DOCK5: variants seen among roughly 807,000 people sequenced by gnomAD.
The protein encoded by DOCK5 is dedicator of cytokinesis protein 5.
In DOCK5, 142 loss-of-function variants were observed where a neutral mutation model predicts 251.8. The observed-to-expected ratio is 0.56, with a 90% confidence interval of 0.49 to 0.65. The LOEUF is 0.65. Ranked by LOEUF, DOCK5 falls within the 30% of genes least tolerant of loss-of-function variation. The probability of loss-of-function intolerance (pLI) is 0.00; values close to 1 mark genes in which losing one functional copy is unlikely to be tolerated. For synonymous variants in DOCK5, 842 were observed against 835.5 expected (o/e 1.01, Z -0.13); for missense variants, 2,111 against 2,312.3 (o/e 0.91, Z 1.79).
chr8:25,387,454 A>T (rs895220066), intron 40 of DOCK5, among the ~76,000 whole-genome samples: 2 of 152,164 alleles, frequency 1.3e-5, no homozygotes, highest in African/African-American at 4.8e-5. Context: ...TTCTCCCGAC[A>T]CCAAAGAAGC....
At chr8:25,276,647 A>G (rs954799336) in intron 4 of DOCK5, among the ~76,000 whole-genome samples, 1 of 151,872 alleles carries the variant, frequency 6.6e-6, no homozygotes, top group Admixed American at 6.6e-5. Flanking sequence ...CAGCACCATC[A>G]TTTCTTTTCT....
intron 3 of DOCK5, among the ~76,000 whole-genome samples, chr8:25,272,024 T>TATAC (rs1451817818): frequency 1.3e-5 from 2 of 152,130 alleles, no homozygotes; most frequent in Non-Finnish European, 2.9e-5. Flanking sequence ...TACATACATA[T>TATAC]ATACATACAT....
intron 14 of DOCK5, among the ~76,000 whole-genome samples, chr8:25,319,367 T>C (rs1805358599): frequency 6.6e-6 from 1 of 152,166 alleles, no homozygotes; most frequent in Non-Finnish European, 1.5e-5. Context: ...GTTCCTTAGC[T>C]GCTACCAAAT....
chr8:25,340,985 C>G lies in DOCK5; in HGVS notation c.2436C>G (p.Ile812Met), dbSNP rs769282639. The change falls in exon 23 of 52, where the codon ATC becomes ATG. Residue 812 changes from isoleucine (I) to methionine (M), a missense_variant. By Grantham distance (10) the Ile-to-Met change is conservative. Around this residue, in one of 3 missense-constraint regions of DOCK5, gnomAD observed 1,717 missense variants for 1,892.4 expected, o/e 0.91. Transcript: ENST00000276440. The part of the protein sequence containing the change: ...MDRPLEEAVK[I>M]KGAALKYLPS... Reference sequence around the variant, plus strand: ...GGCCTCTGGAGGAAGCCGTCAAGATCAAGGTCAGCCTGGCAGCATCATGGG... The same window carrying G: ...GGCCTCTGGAGGAAGCCGTCAAGATGAAGGTCAGCCTGGCAGCATCATGGG... The G allele has an allele frequency of 1.2e-6, 2 of 1,610,014 alleles. No homozygotes were observed. Among genetic ancestry groups the G allele is most frequent in the Admixed American group, 1.7e-5 (1 of 59,556 alleles).
At chr8:25,239,044 C>A (rs1003372538) in intron 1 of DOCK5, among the ~76,000 whole-genome samples, 1 of 152,178 alleles carries the variant, frequency 6.6e-6, no homozygotes, top group East Asian at 1.9e-4. Flanking sequence ...CGCAGGTAAT[C>A]GGGAGCTAGT....
At chr8:25,269,901 C>A (rs149450716) in intron 3 of DOCK5, among the ~76,000 whole-genome samples, 8 of 152,254 alleles carry the variant, frequency 5.3e-5, no homozygotes, top group Non-Finnish European at 8.8e-5. Flanking sequence ...ATGAGAAAGA[C>A]GTAATCCTGC....
intron 22 of DOCK5, 128 bp from the exon 23 acceptor site, chr8:25,340,749 G>A: frequency 1.3e-6 from 1 of 748,340 alleles, no homozygotes; most frequent in Admixed American, 2.5e-5. Context: ...AGATGACTGG[G>A]GCTTAATTAG....
chr8:25,372,497 G>A, intron 34 of DOCK5, 62 bp from the exon 35 acceptor site: 1 of 1,502,896 alleles, frequency 6.7e-7, no homozygotes, highest in Non-Finnish European at 8.9e-7. Context: ...GTCAGTGCTG[G>A]TCAGTGCTGC....
At chr8:25,333,120 G>A (rs1805719976) in intron 20 of DOCK5, among the ~76,000 whole-genome samples, 1 of 152,176 alleles carries the variant, frequency 6.6e-6, no homozygotes, top group Non-Finnish European at 1.5e-5. Flanking sequence ...AATTGAATTT[G>A]TCGCACAAAG....
chr8:25,292,182 C>T lies in DOCK5; in HGVS notation c.470+10C>T. The stretch of plus-strand genomic sequence containing the variant: ...TTGATCATGGGAACAGGTAGGTAAA[C>T]CAGGGATGGCTTTTCACTGAAAACT... On this transcript the variant is annotated intron_variant, in intron 6 of 51. Coordinates refer to ENST00000276440, the MANE Select transcript of DOCK5 (RefSeq NM_024940.8). 1 of 1,553,848 alleles carries T rather than the reference C, an allele frequency of 6.4e-7. No individual in the cohort carries two copies. Among genetic ancestry groups the T allele is most frequent in the Non-Finnish European group, 8.7e-7 (1 of 1,150,686 alleles).
At chr8:25,387,188 T>TG (rs1225061301) in intron 40 of DOCK5, among the ~76,000 whole-genome samples, 1 of 21,952 alleles carries the variant, frequency 4.6e-5, no homozygotes, top group Non-Finnish European at 1.2e-4. Flanking sequence ...ACCAGTGACT[T>TG]TTTTTTTTTT....
In DOCK5 at chr8:25,184,849, C is replaced by CCGG; in HGVS notation, c.-59_-57dup. On this transcript the variant is annotated 5_prime_UTR_variant, in exon 1 of 52. Transcript: ENST00000276440. ...ACGCAGGAGCGCGGGGCGGCGGCGG[C>CCGG]CGGAGCCCGAGGAGCTGTAGCAGCC... The CCGG allele has an allele frequency of 7.8e-7, 1 of 1,276,232 alleles. No individual in the cohort carries two copies. The highest frequency in any genetic ancestry group is 1.0e-6 in the Non-Finnish European group (1 of 1,003,788). The allele number at this position is 1,276,232 out of a possible 1,614,324, so 79.1% of individuals were successfully genotyped here.
At position 25,411,893 on chromosome 8, in the gene DOCK5, C is replaced by A. The variant is rs1289215799; in HGVS notation, c.*595C>A. 8 of 152,116 alleles carry A rather than the reference C, an allele frequency of 5.3e-5. No individual in the cohort carries two copies. Among genetic ancestry groups the A allele is most frequent in the East Asian group, 3.9e-4 (2 of 5,188 alleles). 9.4% of individuals were successfully genotyped at this position (152,116 alleles called of 1,614,324 possible). On this transcript the variant is annotated 3_prime_UTR_variant, in exon 52 of 52. Transcript: ENST00000276440. ...GCTGCTTTCAGGTATGTGTGTCTAT[C>A]ATTGAAAGAGCATGGACTCAAACAT...
At chr8:25,198,406 G>A (rs1305044352) in intron 1 of DOCK5, among the ~76,000 whole-genome samples, 2 of 151,834 alleles carry the variant, frequency 1.3e-5, no homozygotes, top group Admixed American at 6.6e-5. Context: ...ACCCCATCTC[G>A]ACTAAAAATA....
At chr8:25,267,010 T>C (rs145120694) in intron 2 of DOCK5, among the ~76,000 whole-genome samples, 2 of 152,212 alleles carry the variant, frequency 1.3e-5, no homozygotes, top group Non-Finnish European at 2.9e-5. Context: ...GAAAACTGTT[T>C]GGAAAAGATG....
At chr8:25,378,968 A>G (rs1801015300) in intron 38 of DOCK5, among the ~76,000 whole-genome samples, 1 of 152,174 alleles carries the variant, frequency 6.6e-6, no homozygotes, top group African/African-American at 2.4e-5. Flanking sequence ...AAAACCAGCA[A>G]CTTTTTGTTA....
chr8:25,335,031 C>T (rs146100373), intron 21 of DOCK5, among the ~76,000 whole-genome samples: 130 of 152,312 alleles, frequency 8.5e-4, no homozygotes, highest in African/African-American at 2.9e-3. Context: ...CAACTGATGT[C>T]CACTCCGCAT....
intron 38 of DOCK5, among the ~76,000 whole-genome samples, chr8:25,377,717 GT>G (rs772515077): frequency 1.8e-4 from 28 of 152,210 alleles, no homozygotes; most frequent in Admixed American, 1.0e-3. Flanking sequence ...AACCATTCCA[GT>G]TTCATCAGGA....
chr8:25,389,275 T>C, intron 41 of DOCK5, 43 bp downstream of exon 41: 2 of 1,599,096 alleles, frequency 1.3e-6, no homozygotes, highest in Non-Finnish European at 1.7e-6. Context: ...CTCTTATGGC[T>C]GTGCACAGCC....
Sources: allele counts gnomAD v4.1 joint callset (sites outside exome capture counted in the v4.1 genomes callset), GRCh38; gene constraint gnomAD v4.1.1; regional missense constraint gnomAD v4.1.1; transcripts MANE v1.5; gene names NCBI Gene and HGNC (gene_info 2026-07-23, HGNC 2026-07-21).